TBC1D22A: variants seen among roughly 807,000 people sequenced by gnomAD.
The protein encoded by TBC1D22A is TBC1 domain family member 22A, also known as putative GTPase activator.
In TBC1D22A, 38 loss-of-function variants were observed where a neutral mutation model predicts 60.2. That is an observed-to-expected ratio of 0.63 (90% CI 0.49 to 0.83). The LOEUF is 0.83. Among genes scored for constraint, TBC1D22A ranks in the 40% least tolerant of loss-of-function variants. The probability of loss-of-function intolerance (pLI) is 0.00; values close to 1 mark genes in which losing one functional copy is unlikely to be tolerated. For synonymous variants in TBC1D22A, 302 were observed against 281.7 expected (o/e 1.07, Z -0.72); for missense variants, 628 against 701.0 (o/e 0.90, Z 1.18).
At chr22:46,907,330 A>AT (rs1364427767) in intron 7 of TBC1D22A, among the ~76,000 whole-genome samples, 1 of 151,560 alleles carries the variant, frequency 6.6e-6, no homozygotes, top group Non-Finnish European at 1.5e-5. Flanking sequence ...CTCTCTGTGC[A>AT]TTTTTCCACT....
At chr22:47,167,227 C>G (rs2068241932) in intron 12 of TBC1D22A, among the ~76,000 whole-genome samples, 1 of 152,216 alleles carries the variant, frequency 6.6e-6, no homozygotes, top group Non-Finnish European at 1.5e-5. Context: ...CCAGGTAACA[C>G]CCAGGCAGGT....
At chr22:46,970,693 A>G (rs2074012462) in intron 8 of TBC1D22A, among the ~76,000 whole-genome samples, 1 of 152,158 alleles carries the variant, frequency 6.6e-6, no homozygotes, top group Admixed American at 6.5e-5. Context: ...GTCTTGGGTT[A>G]AAATCTGTCA....
At chr22:46,782,123 C>T (rs539260374) in intron 1 of TBC1D22A, among the ~76,000 whole-genome samples, 17 of 152,334 alleles carry the variant, frequency 1.1e-4, no homozygotes, top group Admixed American at 3.9e-4. Flanking sequence ...GGCACGATCT[C>T]GGCTCACTGC....
rs1325819954 is a variant in TBC1D22A at position 46,882,017 on chromosome 22, C to T, written c.708+3294C>T. 3.3e-5 allele frequency among the ~76,000 whole-genome samples: 5 copies of T among 152,298 alleles called. No homozygotes were observed. The East Asian group carries it at 5.8e-4, about 18-fold the overall frequency. On this transcript the variant is annotated intron_variant, in intron 5 of 12. Coordinates refer to ENST00000337137, the MANE Select transcript of TBC1D22A (RefSeq NM_014346.5). ...GCAGGTGCTGGGGTTACAAGAACCT[C>T]TGGGACAATGGTGGGTACTGGGAAC...
intron 12 of TBC1D22A, among the ~76,000 whole-genome samples, chr22:47,153,259 C>T (rs1212097751): frequency 2.6e-5 from 4 of 152,320 alleles, no homozygotes; most frequent in South Asian, 2.1e-4. Context: ...ATGCAGCTCA[C>T]GTTCATGAAC....
chr22:47,124,236 G>A (rs2066372894), intron 12 of TBC1D22A, among the ~76,000 whole-genome samples: 1 of 152,200 alleles, frequency 6.6e-6, no homozygotes, highest in Non-Finnish European at 1.5e-5. Flanking sequence ...CAGGGTAAAT[G>A]CAGGAAGGTT....
At chr22:46,821,766 A>G (rs1163549535) in intron 4 of TBC1D22A, among the ~76,000 whole-genome samples, 1 of 151,846 alleles carries the variant, frequency 6.6e-6, no homozygotes. Flanking sequence ...TATTTCCCGA[A>G]TTTACATGTT....
chr22:47,081,524 T>C (rs147850925), intron 11 of TBC1D22A, among the ~76,000 whole-genome samples: 252 of 152,232 alleles, frequency 1.7e-3, no homozygotes, highest in Non-Finnish European at 3.0e-3. Context: ...ATAAAAGACA[T>C]GAGGATTGAC....
At chr22:46,806,718 G>C (rs1244268124) in intron 4 of TBC1D22A, among the ~76,000 whole-genome samples, 1 of 152,182 alleles carries the variant, frequency 6.6e-6, no homozygotes, top group Admixed American at 6.5e-5. Flanking sequence ...CTTTCTAGGG[G>C]CTCTGGGTAT....
chr22:47,007,873 A>G (rs954180303), intron 10 of TBC1D22A, among the ~76,000 whole-genome samples: 9 of 152,308 alleles, frequency 5.9e-5, no homozygotes, highest in African/African-American at 2.4e-5. Flanking sequence ...GGGCTTCAAC[A>G]TAGCAATTTT....
Position 47,086,454 on chromosome 22 carries a change from TCAAACAAACAAA to T in TBC1D22A, c.1330-25040_1330-25029del, listed in dbSNP as rs367825282. On this transcript the variant is annotated intron_variant, in intron 11 of 12. Coordinates refer to ENST00000337137, the MANE Select transcript of TBC1D22A (RefSeq NM_014346.5). ...TGGGCGACAAGAGTGAAACCCCATC[TCAAACAAACAAA>T]CAAACAAACAAACTAAAAACAAACC... Among the ~76,000 whole-genome samples the T allele has an allele frequency of 2.1e-4, 32 of 152,154 alleles. 1 individual carries two copies. The highest frequency in any genetic ancestry group is 1.7e-3 in the Admixed American group (26 of 15,274).
chr22:47,117,838 G>A (rs2066126003), intron 12 of TBC1D22A, among the ~76,000 whole-genome samples: 1 of 152,128 alleles, frequency 6.6e-6, no homozygotes, highest in Non-Finnish European at 1.5e-5. Context: ...AAAATAAGGC[G>A]GGGGCTGAGC....
chr22:46,997,855 G>T, intron 10 of TBC1D22A, 146 bp downstream of exon 10: 1 of 648,496 alleles, frequency 1.5e-6, no homozygotes, highest in Non-Finnish European at 2.7e-6. Context: ...GACAGCTGCT[G>T]GTGCGTGAGC....
At chr22:46,873,225 G>T (rs988635774) in intron 4 of TBC1D22A, among the ~76,000 whole-genome samples, 1 of 152,154 alleles carries the variant, frequency 6.6e-6, no homozygotes, top group Admixed American at 6.5e-5. Context: ...TAAAATATGG[G>T]TAAAGGATTT....
At chr22:47,076,040 T>C (rs1038458466) in intron 11 of TBC1D22A, among the ~76,000 whole-genome samples, 10 of 152,284 alleles carry the variant, frequency 6.6e-5, no homozygotes, top group African/African-American at 1.4e-4. Flanking sequence ...CCTTACGGTA[T>C]ATTAGGTAAA....
At chr22:46,883,223 G>A (rs1269221118) in intron 5 of TBC1D22A, among the ~76,000 whole-genome samples, 1 of 152,192 alleles carries the variant, frequency 6.6e-6, no homozygotes, top group East Asian at 1.9e-4. Context: ...GTTTATTGAG[G>A]TAGGTTTGCA....
chr22:46,884,963 C>G (rs952011535), intron 5 of TBC1D22A, among the ~76,000 whole-genome samples: 2 of 152,126 alleles, frequency 1.3e-5, no homozygotes, highest in Non-Finnish European at 2.9e-5. Context: ...TAGGCAGGGC[C>G]TGGGCTTTTA....
At chr22:46,793,960 G>A (rs930357257) in intron 3 of TBC1D22A, 119 bp downstream of exon 3, 45 of 985,362 alleles carry the variant, frequency 4.6e-5, no homozygotes, top group Non-Finnish European at 6.2e-5. Context: ...CAGGCCCCCT[G>A]GCCCACGAGA....
intron 11 of TBC1D22A, among the ~76,000 whole-genome samples, chr22:47,099,449 T>A (rs1399791165): frequency 6.7e-6 from 1 of 149,296 alleles, no homozygotes; most frequent in African/African-American, 2.5e-5. Flanking sequence ...TTTCTTTTGT[T>A]GTTTTTTTTT....
Sources: gnomAD v4.1 joint callset for allele counts (sites outside exome capture counted in the v4.1 genomes callset) on GRCh38, gnomAD v4.1.1 for gene constraint, MANE v1.5 for transcripts, NCBI Gene and HGNC (gene_info 2026-07-23, HGNC 2026-07-21) for gene names.